Variants in SAMD4A observed in about 807,000 individuals in gnomAD.
SAMD4A encodes the protein sterile alpha motif domain containing 4A.
SAMD4A carries 33 observed loss-of-function variants against 81.3 expected under a neutral mutation model. That is an observed-to-expected ratio of 0.41 (90% CI 0.31 to 0.54). The LOEUF (loss-of-function observed/expected upper bound fraction) is 0.54. SAMD4A is among the 20% of genes least tolerant of loss of function. The probability of loss-of-function intolerance (pLI) is 0.37; values close to 1 mark genes in which losing one functional copy is unlikely to be tolerated. For synonymous variants in SAMD4A, 389 were observed against 382.1 expected (o/e 1.02, Z -0.21); for missense variants, 854 against 951.1 (o/e 0.90, Z 1.34).
intron 2 of SAMD4A, among the ~76,000 whole-genome samples, chr14:54,630,926 G>A (rs941670419): frequency 1.9e-4 from 29 of 150,662 alleles, no homozygotes; most frequent in Admixed American, 4.6e-4. Context: ...GTGTGTGTGT[G>A]TGTGTGTGTG....
In SAMD4A at chr14:54,770,330, G is replaced by A. The variant is rs569279996; in HGVS notation, c.1715+108G>A. 2.3e-4 allele frequency: 178 copies of A among 759,450 alleles called. No homozygotes were observed. The East Asian group carries it at 4.0e-3, about 17-fold the overall frequency. 47.0% of individuals were successfully genotyped at this position (759,450 alleles called of 1,614,324 possible). On this transcript the variant is annotated intron_variant, in intron 9 of 12. Transcript: ENST00000554335. ...TGGCAGGGCACCATTCCTTGTTCAC[G>A]AAGATGCCCTGTGGCGAGTTCCAAA... is the stretch of plus-strand genomic sequence containing the variant.
intron 2 of SAMD4A, among the ~76,000 whole-genome samples, chr14:54,666,626 A>T (rs2035764962): frequency 6.6e-6 from 1 of 152,160 alleles, no homozygotes; most frequent in African/African-American, 2.4e-5. Context: ...ACCAATTTAT[A>T]TTATTATTTT....
At chr14:54,576,411 A>G (rs80193972) in intron 2 of SAMD4A, among the ~76,000 whole-genome samples, 1 of 152,218 alleles carries the variant, frequency 6.6e-6, no homozygotes, top group African/African-American at 2.4e-5. Context: ...GTGCCTCAAG[A>G]TAAATAAACT....
intron 2 of SAMD4A, among the ~76,000 whole-genome samples, chr14:54,678,484 T>A: frequency 1.5e-5 from 1 of 64,908 alleles, no homozygotes; most frequent in African/African-American, 5.2e-5. Context: ...TGTGTGTGTG[T>A]GTGTGTGTGT....
chr14:54,609,326 G>T lies in SAMD4A; in HGVS notation c.196+41214G>T, dbSNP rs573756455. ...CAAGGAATGCAGGCAGCCTGAAGAGGTTGGAAGAGGCAAGGAAAGAGATTC... is the reference window on the plus strand; with the variant it reads ...CAAGGAATGCAGGCAGCCTGAAGAGTTTGGAAGAGGCAAGGAAAGAGATTC... On this transcript the variant is annotated intron_variant, in intron 2 of 12. Transcript: ENST00000554335. Among the ~76,000 whole-genome samples, 23 of 152,356 alleles carry T rather than the reference G, an allele frequency of 1.5e-4. No homozygotes were observed. In the East Asian group the frequency reaches 4.0e-3, roughly 27 times the overall value.
intron 2 of SAMD4A, among the ~76,000 whole-genome samples, chr14:54,602,601 G>C (rs1348622211): frequency 6.6e-6 from 1 of 151,724 alleles, no homozygotes; most frequent in Non-Finnish European, 1.5e-5. Context: ...AAGCTTTGGA[G>C]ACTTAAGACA....
Position 54,770,818 on chromosome 14 carries a change from A to G in SAMD4A, c.1715+596A>G, listed in dbSNP as rs566426448. Among the ~76,000 whole-genome samples the G allele has an allele frequency of 2.0e-5, 3 of 152,370 alleles. No individual in the cohort carries two copies. The South Asian group carries it at 6.2e-4, about 32-fold the overall frequency. ...ACCTTAATATAGTTTTAAATTGAGG[A>G]ATCCAATTACATATTAAAGATGAAC... On this transcript the variant is annotated intron_variant, in intron 9 of 12. Transcript: ENST00000554335.
chr14:54,777,202 C>T (rs1439548930), intron 11 of SAMD4A, among the ~76,000 whole-genome samples: 1 of 151,856 alleles, frequency 6.6e-6, no homozygotes, highest in East Asian at 1.9e-4. Flanking sequence ...GATGGACCCC[C>T]CCCCACCCCC....
intron 2 of SAMD4A, among the ~76,000 whole-genome samples, chr14:54,588,507 T>C (rs1033463387): frequency 6.6e-6 from 1 of 152,148 alleles, no homozygotes; most frequent in Non-Finnish European, 1.5e-5. Flanking sequence ...TCAGACTTTT[T>C]GATGTAGGCA....
intron 2 of SAMD4A, among the ~76,000 whole-genome samples, chr14:54,621,058 G>A (rs1331507869): frequency 6.6e-6 from 1 of 152,212 alleles, no homozygotes; most frequent in African/African-American, 2.4e-5. Flanking sequence ...AGGCATGAGA[G>A]CCACTGACAT....
intron 8 of SAMD4A, among the ~76,000 whole-genome samples, chr14:54,765,576 A>G (rs1458707348): frequency 6.6e-6 from 1 of 151,726 alleles, no homozygotes; most frequent in Non-Finnish European, 1.5e-5. Flanking sequence ...ACAGTGAGCT[A>G]TGATCCTATC....
intron 3 of SAMD4A, among the ~76,000 whole-genome samples, chr14:54,713,066 TACAA>T (rs2037031233): frequency 6.6e-6 from 1 of 152,200 alleles, no homozygotes; most frequent in Non-Finnish European, 1.5e-5. Context: ...ATAGCTGTTC[TACAA>T]ACAGACAGGA....
intron 3 of SAMD4A, among the ~76,000 whole-genome samples, chr14:54,726,295 TGGG>T (rs2037413950): frequency 6.6e-6 from 1 of 152,214 alleles, no homozygotes; most frequent in African/African-American, 2.4e-5. Context: ...AATATTTTTC[TGGG>T]GAGTCTTTAG....
intron 2 of SAMD4A, among the ~76,000 whole-genome samples, chr14:54,673,828 G>A (rs2035935517): frequency 6.6e-6 from 1 of 152,240 alleles, no homozygotes; most frequent in African/African-American, 2.4e-5. Context: ...TCTTCTGTCT[G>A]TGTAAATAGT....
chr14:54,704,146 C>A (rs1321169209), intron 3 of SAMD4A, among the ~76,000 whole-genome samples: 1 of 152,158 alleles, frequency 6.6e-6, no homozygotes, highest in African/African-American at 2.4e-5. Context: ...GTGATTACTG[C>A]ATCTTAATTT....
chr14:54,738,277 C>T (rs2037749963), intron 4 of SAMD4A, among the ~76,000 whole-genome samples: 1 of 152,188 alleles, frequency 6.6e-6, no homozygotes. Flanking sequence ...ATTCCCCTCC[C>T]TTCACGGAAG....
intron 2 of SAMD4A, among the ~76,000 whole-genome samples, chr14:54,631,193 T>G (rs1400598590): frequency 6.6e-6 from 1 of 152,080 alleles, no homozygotes; most frequent in African/African-American, 2.4e-5. Context: ...GCCTTTCTGT[T>G]CTGTTCAGGC....
At chr14:54,718,578 T>G (rs76474137) in intron 3 of SAMD4A, among the ~76,000 whole-genome samples, 79 of 152,212 alleles carry the variant, frequency 5.2e-4, no homozygotes, top group Middle Eastern at 3.4e-3. Context: ...TGTTGTTGTT[T>G]TTTCTAACTC....
At chr14:54,773,019 A>C (rs2038746560) in intron 9 of SAMD4A, among the ~76,000 whole-genome samples, 1 of 152,230 alleles carries the variant, frequency 6.6e-6, no homozygotes, top group African/African-American at 2.4e-5. Context: ...AAAAAGGAAG[A>C]AAGGCCAAGA....
Sources: gnomAD v4.1 joint callset for allele counts (sites outside exome capture counted in the v4.1 genomes callset) on GRCh38, gnomAD v4.1.1 for gene constraint, MANE v1.5 for transcripts, NCBI Gene and HGNC (gene_info 2026-07-23, HGNC 2026-07-21) for gene names.